The following RBFOX1 variants were observed in gnomAD, a reference collection of about 807,000 sequenced individuals.
RBFOX1 encodes the protein RNA binding fox-1 homolog 1.
Under a neutral mutation model 57.7 loss-of-function variants are expected in RBFOX1, and 8 were observed. The observed-to-expected ratio is 0.14, with a 90% CI of 0.08 to 0.25. RBFOX1 has a LOEUF of 0.25. Among genes scored for constraint, RBFOX1 ranks in the 10% least tolerant of loss-of-function variants. The probability of loss-of-function intolerance (pLI) is 1.00; values close to 1 mark genes in which losing one functional copy is unlikely to be tolerated. For synonymous variants in RBFOX1, 326 were observed against 222.4 expected, an observed-to-expected ratio of 1.47 and a Z score of -4.15; for missense variants, 611 against 548.5, an observed-to-expected ratio of 1.11 and a Z score of -1.14.
chr16:6,736,091 A>T (rs2070211802), intron 3 of RBFOX1, among the ~76,000 whole-genome samples: 1 of 152,146 alleles, frequency 6.6e-6, no homozygotes, highest in Admixed American at 6.5e-5. Flanking sequence ...TTTTGTTCAA[A>T]TTATTTTAGC....
intron 3 of RBFOX1, among the ~76,000 whole-genome samples, chr16:5,683,036 G>T (rs1388729509): frequency 2.0e-5 from 3 of 151,974 alleles, no homozygotes; most frequent in Admixed American, 2.0e-4. Context: ...GAATCAGAGT[G>T]TCCACCTTTT....
chr16:6,177,922 T>TA (rs57642754), intron 1 of RBFOX1, among the ~76,000 whole-genome samples: 3,146 of 139,968 alleles, frequency 0.022, 92 homozygotes, highest in African/African-American at 0.071. Context: ...TCAGTGGGGG[T>TA]AAAAAAAAAA....
At chr16:6,621,412 C>G (rs887759705) in intron 2 of RBFOX1, among the ~76,000 whole-genome samples, 1 of 152,160 alleles carries the variant, frequency 6.6e-6, no homozygotes, top group Non-Finnish European at 1.5e-5. Context: ...TGCAGTGAAC[C>G]AAGATTGCGC....
intron 5 of RBFOX1, among the ~76,000 whole-genome samples, chr16:7,555,235 A>G (rs906099761): frequency 1.3e-5 from 2 of 152,212 alleles, no homozygotes; most frequent in African/African-American, 4.8e-5. Flanking sequence ...CTTTGTTAAA[A>G]GCCTTCTGAT....
chr16:6,836,556 A>G (rs930615645), intron 3 of RBFOX1, among the ~76,000 whole-genome samples: 1 of 152,112 alleles, frequency 6.6e-6, no homozygotes, highest in Non-Finnish European at 1.5e-5. Flanking sequence ...TTCAAATGGG[A>G]ACCTTTTGTG....
intron 3 of RBFOX1, among the ~76,000 whole-genome samples, chr16:5,699,950 A>C (rs2050979544): frequency 6.6e-6 from 1 of 152,164 alleles, no homozygotes. Flanking sequence ...TCTCCTGCTC[A>C]GCCTCCTGAG....
At chr16:6,728,373 G>T (rs2067729779) in intron 3 of RBFOX1, among the ~76,000 whole-genome samples, 1 of 23,242 alleles carries the variant, frequency 4.3e-5, no homozygotes, top group Non-Finnish European at 2.5e-3. Context: ...CCAATGTCTT[G>T]TCGTTGTTTC....
intron 1 of RBFOX1, among the ~76,000 whole-genome samples, chr16:6,314,055 T>C (rs962249647): frequency 6.6e-6 from 1 of 152,126 alleles, no homozygotes; most frequent in Non-Finnish European, 1.5e-5. Flanking sequence ...AGACCAGATG[T>C]AAAGGTGTGG....
At position 7,398,176 on chromosome 16, in the gene RBFOX1, G is replaced by C. The variant is rs535701125; in HGVS notation, c.28-119971G>C. 4.6e-5 allele frequency among the ~76,000 whole-genome samples: 7 copies of C among 152,332 alleles called. No homozygotes were observed. The East Asian group carries it at 9.7e-4, about 21-fold the overall frequency. ...TTGGACCCATTTCAAACAAGCATTG[G>C]TAGGAGATGCCTCAGACGCTTATGC... On this transcript the variant is annotated intron_variant, in intron 4 of 15. Coordinates refer to ENST00000550418, the MANE Select transcript of RBFOX1 (RefSeq NM_018723.4).
chr16:6,141,314 C>G (rs9936400), intron 1 of RBFOX1, among the ~76,000 whole-genome samples: 15,762 of 152,126 alleles, frequency 0.1, 1,366 homozygotes, highest in African/African-American at 0.23. Context: ...TTTACAAGGG[C>G]GATACGGAAG....
chr16:7,341,689 T>C (rs548701721), intron 4 of RBFOX1, among the ~76,000 whole-genome samples: 205 of 151,042 alleles, frequency 1.4e-3, no homozygotes, highest in African/African-American at 4.6e-3. Context: ...AGAACAATGG[T>C]CCTACCTTCC....
intron 4 of RBFOX1, among the ~76,000 whole-genome samples, chr16:7,296,995 T>A (rs569988379): frequency 6.6e-6 from 1 of 152,264 alleles, no homozygotes; most frequent in African/African-American, 2.4e-5. Flanking sequence ...GAACCTCATG[T>A]CAGGGGAAGA....
At chr16:7,016,761 G>A (rs1278522189) in intron 3 of RBFOX1, among the ~76,000 whole-genome samples, 3 of 152,138 alleles carry the variant, frequency 2.0e-5, no homozygotes, top group Non-Finnish European at 2.9e-5. Flanking sequence ...TCACTGGGCC[G>A]TTTTAGGATG....
intron 3 of RBFOX1, among the ~76,000 whole-genome samples, chr16:6,743,471 G>C (rs1009742831): frequency 5.3e-5 from 8 of 152,160 alleles, no homozygotes; most frequent in African/African-American, 1.9e-4. Context: ...AGGATGAATG[G>C]TAGTGCACAC....
intron 3 of RBFOX1, among the ~76,000 whole-genome samples, chr16:6,883,254 T>C (rs959189350): frequency 1.3e-5 from 2 of 152,228 alleles, no homozygotes; most frequent in African/African-American, 2.4e-5. Flanking sequence ...GGTTTTCTTT[T>C]TTAAAGTTGT....
In RBFOX1 at chr16:6,817,486, G is replaced by C. The variant is rs184318045; in HGVS notation, c.-16+162836G>C. Among the ~76,000 whole-genome samples, 1,213 of 144,886 alleles carry C rather than the reference G, an allele frequency of 8.4e-3. 57 individuals are homozygous for C. Among genetic ancestry groups the C allele is most frequent in the Admixed American group, 0.072 (1,022 of 14,156 alleles). ...AGGCAGGCAGATTGGTTGAGGTCAA[G>C]AGTTCGAGACCAGCCTGGCCAGCAT... On this transcript the variant is annotated intron_variant, in intron 3 of 15. Coordinates refer to ENST00000550418, the MANE Select transcript of RBFOX1 (RefSeq NM_018723.4).
Position 7,567,597 on chromosome 16 carries a change from ATATATATCCCTTTATATGGCCC to A in RBFOX1, c.271-12172_271-12151del, listed in dbSNP as rs1200873886. Among the ~76,000 whole-genome samples, 193 of 24,654 alleles carry A rather than the reference ATATATATCCCTTTATATGGCCC, an allele frequency of 7.8e-3. 5 individuals carry two copies. Among genetic ancestry groups the A allele is most frequent in the African/African-American group, 0.011 (122 of 11,036 alleles). The allele number at this position is 24,654 out of a possible 152,430, so 16.2% of individuals were successfully genotyped here. A position where few individuals can be genotyped will look rare whatever the true frequency, so the allele number is the denominator to read the frequency against. ...TATATATCCCTATATATGGCCCTATATATATATCCCTTTATATGGCCCTATATATATATATATATCCCTATAT... is the reference window on the plus strand; with the variant it reads ...TATATATCCCTATATATGGCCCTATATATATATATATATATATCCCTATAT... On this transcript the variant is annotated intron_variant, in intron 5 of 15. Coordinates refer to ENST00000550418, the MANE Select transcript of RBFOX1 (RefSeq NM_018723.4).
intron 3 of RBFOX1, among the ~76,000 whole-genome samples, chr16:6,869,864 C>A (rs952717545): frequency 2.0e-5 from 3 of 152,138 alleles, no homozygotes; most frequent in African/African-American, 2.4e-5. Flanking sequence ...GAAGGGGAAT[C>A]TGTTCAGAAC....
chr16:5,946,319 A>C lies in RBFOX1; in HGVS notation c.351+78984A>C, dbSNP rs1278866897. Among the ~76,000 whole-genome samples, 3 of 152,212 alleles carry C rather than the reference A, an allele frequency of 2.0e-5. No individual in the cohort carries two copies. The highest frequency in any genetic ancestry group is 4.8e-5 in the African/African-American group (2 of 41,464). On this transcript the variant is annotated intron_variant, in intron 4 of 19. Coordinates refer to the RBFOX1 transcript ENST00000641259. This position sits in a 1 kb window ranked among gnomAD's most constrained non-coding sequence, Gnocchi z 4.6. ...CATAGGGTTATTTGAGGCTCAGACT[A>C]AATGGATGTGAGTGTGTCTTCAATG...
Sources: gnomAD v4.1 joint callset for allele counts (sites outside exome capture counted in the v4.1 genomes callset) on GRCh38, gnomAD v4.1.1 for gene constraint, Gnocchi (gnomAD v3.1) non-coding constraint, MANE v1.5 for transcripts, NCBI Gene and HGNC (gene_info 2026-07-23, HGNC 2026-07-21) for gene names.